Variants in ABCG5 observed in about 807,000 individuals in gnomAD.
ABCG5 encodes ATP-binding cassette sub-family G member 5.
Under a neutral mutation model 64.5 loss-of-function variants are expected in ABCG5, and 64 were observed. The observed-to-expected ratio is 0.99, with a 90% CI of 0.81 to 1.22. The LOEUF is 1.22. Among genes scored for constraint, ABCG5 ranks in the 50% most tolerant of loss-of-function variants. ABCG5 has a pLI of 0.00. For synonymous variants in ABCG5, 385 were observed against 326.3 expected, an observed-to-expected ratio of 1.18 and a Z score of -1.94; for missense variants, 908 against 829.5, an observed-to-expected ratio of 1.09 and a Z score of -1.16.
chr2:43,835,939 CTCT>C (rs1399466673), intron 2 of ABCG5, among the ~76,000 whole-genome samples: 1 of 150,870 alleles, frequency 6.6e-6, no homozygotes, highest in African/African-American at 2.5e-5. Context: ...CTGGGAATTC[CTCT>C]TCTTTTTTTT....
At chr2:43,839,001 C>A, upstream of ABCG5, 1 of 1,529,646 alleles carries the variant, frequency 6.5e-7, no homozygotes, top group Non-Finnish European at 8.9e-7. Flanking sequence ...CCCTGGCAGG[C>A]AGCAGCTGGG....
intron 7 of ABCG5, 151 bp downstream of exon 7, chr2:43,824,738 A>T: frequency 1.4e-6 from 2 of 1,449,360 alleles, no homozygotes; most frequent in Non-Finnish European, 1.9e-6. Context: ...TGGCAAGTTC[A>T]TTGACCCGGC....
At chr2:43,822,678 G>A in intron 10 of ABCG5, 119 bp downstream of exon 10, 1 of 1,565,222 alleles carries the variant, frequency 6.4e-7, no homozygotes, top group Non-Finnish European at 8.7e-7. Flanking sequence ...AGACACTGAT[G>A]GGCAAAGTGT....
At chr2:43,807,154 T>C in the ABCG5 span, among the ~76,000 whole-genome samples, 1 of 152,164 alleles carries the variant, frequency 6.6e-6, no homozygotes, top group Non-Finnish European at 1.5e-5. Context: ...TCATGAGTAG[T>C]TGTGAGACCT....
chr2:43,832,113 G>A (rs1004986745), intron 2 of ABCG5, 30 bp from the exon 3 acceptor site: 1 of 1,564,620 alleles, frequency 6.4e-7, no homozygotes, highest in Non-Finnish European at 8.7e-7. Flanking sequence ...GGCCCTAGAG[G>A]AACCACTCTG....
rs940906518 is a variant in ABCG5, at chr2:43,838,180, G to C, written c.144-225C>G. The stretch of plus-strand genomic sequence containing the variant: ...GTGCTGGAGTTGCTCTGAATGTCCT[G>C]TCCGTTTGGCTGCGAGGTGGCTGTC... On this transcript the variant is annotated intron_variant, in intron 1 of 12. Transcript: ENST00000405322. The surrounding 1 kb of genome is among the most constrained non-coding windows in gnomAD (Gnocchi z 4.2). 1.4e-5 allele frequency: 9 copies of C among 622,822 alleles called. No homozygotes were observed. The allele number at this position is 622,822 out of a possible 1,614,324, so 38.6% of individuals were successfully genotyped here. A position where few individuals can be genotyped will look rare whatever the true frequency, so the allele number is the denominator to read the frequency against.
intron 7 of ABCG5, 28 bp from the exon 8 acceptor site, chr2:43,824,460 C>G (rs1253237476): frequency 2.5e-6 from 4 of 1,611,370 alleles, no homozygotes; most frequent in Non-Finnish European, 1.7e-6. Context: ...AAGATGTCAC[C>G]CATGTGTTTT....
intron 2 of ABCG5, among the ~76,000 whole-genome samples, chr2:43,835,227 A>G (rs776772254): frequency 6.7e-6 from 1 of 150,250 alleles, no homozygotes; most frequent in Non-Finnish European, 1.5e-5. Flanking sequence ...CTGTATGTGC[A>G]TGAAACACAA....
chr2:43,812,720 C>A lies in ABCG5; in HGVS notation c.*396G>T. ...ACTCTCTTTCTCTGTCACTTATGGT[C>A]AGGAATCCTTGAAACATTTTATTTT... On this transcript the variant is annotated 3_prime_UTR_variant, in exon 13 of 13. Transcript: ENST00000405322. The A allele has an allele frequency of 4.9e-6, 1 of 202,722 alleles. No individual in the cohort carries two copies. Among genetic ancestry groups the A allele is most frequent in the Non-Finnish European group, 1.0e-5 (1 of 98,716 alleles). The allele number at this position is 202,722 out of a possible 1,614,324, so 12.6% of individuals were successfully genotyped here. A position where few individuals can be genotyped will look rare whatever the true frequency, so the allele number is the denominator to read the frequency against.
chr2:43,831,516 C>G (rs1029353189), intron 4 of ABCG5, among the ~76,000 whole-genome samples: 1 of 152,178 alleles, frequency 6.6e-6, no homozygotes, highest in East Asian at 1.9e-4. Flanking sequence ...TTTCCTCAGA[C>G]TAAGAGTCTG....
intron 4 of ABCG5, among the ~76,000 whole-genome samples, chr2:43,831,331 T>C (rs6707683): frequency 0.45 from 68,742 of 151,804 alleles, 16,310 homozygotes; most frequent in East Asian, 0.83. Flanking sequence ...CATCACCACG[T>C]CCAACTAATT....
intron 4 of ABCG5, chr2:43,828,546 C>T (rs535990777): frequency 8.3e-6 from 3 of 361,684 alleles, no homozygotes; most frequent in South Asian, 6.8e-5. Flanking sequence ...CCTGTAGTCC[C>T]AGCTACTCAG....
chr2:43,820,341 C>G (rs1487119177), intron 10 of ABCG5, among the ~76,000 whole-genome samples: 4 of 152,198 alleles, frequency 2.6e-5, no homozygotes, highest in Non-Finnish European at 5.9e-5. Flanking sequence ...ACGGCTCCTT[C>G]AGCTCTCATA....
intron 4 of ABCG5, among the ~76,000 whole-genome samples, chr2:43,830,669 A>T (rs1453391439): frequency 6.6e-6 from 1 of 151,800 alleles, no homozygotes; most frequent in Non-Finnish European, 1.5e-5. Flanking sequence ...ATTGGAGAGA[A>T]CTCTGCTATC....
chr2:43,821,305 C>T (rs1167158893), intron 10 of ABCG5, among the ~76,000 whole-genome samples: 1 of 152,226 alleles, frequency 6.6e-6, no homozygotes, highest in Non-Finnish European at 1.5e-5. Flanking sequence ...CTCCTCTCCC[C>T]TATCATTTTC....
chr2:43,813,801 T>C (rs1029773170), intron 12 of ABCG5, among the ~76,000 whole-genome samples: 8 of 129,956 alleles, frequency 6.2e-5, no homozygotes, highest in African/African-American at 2.3e-4. Flanking sequence ...CACTGCAACC[T>C]CAGCCTCCCA....
chr2:43,820,141 A>G, intron 10 of ABCG5, 41 bp from the exon 11 acceptor site: 1 of 1,588,332 alleles, frequency 6.3e-7, no homozygotes, highest in Non-Finnish European at 8.6e-7. Flanking sequence ...TCCAAGGGCT[A>G]TCATTTAAGA....
In ABCG5 at chr2:43,824,368, C is replaced by T. The variant is rs369775776; in HGVS notation, c.969G>A (p.Gln323=). The change falls in exon 8 of 13, where the codon CAG becomes CAA. Residue 323 remains glutamine, a synonymous_variant. Coordinates refer to ENST00000405322, the MANE Select transcript of ABCG5 (RefSeq NM_022436.3). ...EREIETSKRV[Q]MIESAYKKSA... ...ATTTCTTGTAGGCAGATTCTATCAT[C>T]TGGACTCTCTTGGAGGTTTCTATTT... is the stretch of plus-strand genomic sequence containing the variant. 4 of 1,614,056 alleles carry T rather than the reference C, an allele frequency of 2.5e-6. No homozygotes were observed. In the South Asian group the frequency reaches 3.3e-5, roughly 13 times the overall value.
At position 43,824,277 on chromosome 2, in the gene ABCG5, C is replaced by G. The variant is rs866292096; in HGVS notation, c.1060G>C (p.Val354Leu). ...RMKHLKTLPMVPFKTKDSPGV... is the reference protein window; with the variant it reads ...RMKHLKTLPMLPFKTKDSPGV... ...GGAGAATCTTTGGTTTTGAAAGGAA[C>G]CATTGGTAACGTTTTCAGGTGTTTC... The change falls in exon 8 of 13, where the codon GTT becomes CTT. Residue 354 changes from valine to leucine, a missense_variant. By Grantham distance (32) the Val-to-Leu change is conservative. Coordinates refer to ENST00000405322, the MANE Select transcript of ABCG5 (RefSeq NM_022436.3). 3.1e-6 allele frequency: 5 copies of G among 1,614,084 alleles called. No homozygotes were observed. Among genetic ancestry groups the G allele is most frequent in the Middle Eastern group, 1.6e-4 (1 of 6,084 alleles).
Sources: allele counts gnomAD v4.1 joint callset (sites outside exome capture counted in the v4.1 genomes callset), GRCh38; gene constraint gnomAD v4.1.1; non-coding constraint Gnocchi (gnomAD v3.1); transcripts MANE v1.5; gene names NCBI Gene and HGNC (gene_info 2026-07-23, HGNC 2026-07-21).